UBR2: variants seen among roughly 807,000 people sequenced by gnomAD.
The protein encoded by UBR2 is E3 ubiquitin-protein ligase UBR2.
In UBR2, 92 loss-of-function variants were observed where a neutral mutation model predicts 247.9. The ratio of observed to expected loss-of-function variants is 0.37; its 90% confidence interval spans 0.31 to 0.44. The LOEUF (loss-of-function observed/expected upper bound fraction) is 0.44, where lower values mean the gene tolerates loss of function less well. Among genes scored for constraint, UBR2 ranks in the 20% least tolerant of loss-of-function variants. The pLI is 1.00. For synonymous variants in UBR2, 672 were observed against 693.5 expected, an observed-to-expected ratio of 0.97 and a Z score of 0.49; for missense variants, 1,613 against 2,112.6, an observed-to-expected ratio of 0.76 and a Z score of 4.64.
intron 11 of UBR2, chr6:42,619,809 C>T (rs1794862644): frequency 5.8e-6 from 2 of 344,534 alleles, no homozygotes; most frequent in African/African-American, 2.2e-5. Context: ...CTTTGACCAC[C>T]TGGGCTTAGG....
intron 30 of UBR2, among the ~76,000 whole-genome samples, chr6:42,661,601 A>G (rs916123301): frequency 3.3e-5 from 5 of 152,252 alleles, no homozygotes; most frequent in Non-Finnish European, 7.3e-5. Context: ...CCCTTTGAAT[A>G]TAAAAATTAG....
chr6:42,644,824 C>T (rs1796664568), intron 20 of UBR2, among the ~76,000 whole-genome samples: 1 of 152,100 alleles, frequency 6.6e-6, no homozygotes, highest in Non-Finnish European at 1.5e-5. Flanking sequence ...GAGAATTTAG[C>T]AATCAAGGAA....
At chr6:42,653,332 C>A (rs568715216) in intron 25 of UBR2, among the ~76,000 whole-genome samples, 1 of 152,206 alleles carries the variant, frequency 6.6e-6, no homozygotes, top group Non-Finnish European at 1.5e-5. Context: ...ATCCTCCCCC[C>A]TCGGCCTCCC....
intron 40 of UBR2, among the ~76,000 whole-genome samples, chr6:42,677,174 C>T (rs1186391967): frequency 6.6e-6 from 1 of 152,112 alleles, no homozygotes; most frequent in East Asian, 1.9e-4. Context: ...AAAGTTGATA[C>T]TCTAAAACTT....
At chr6:42,601,891 ATG>A (rs1582499183) in intron 4 of UBR2, among the ~76,000 whole-genome samples, 37 of 74,886 alleles carry the variant, frequency 4.9e-4, no homozygotes, top group South Asian at 1.2e-3. Context: ...TTTTTTTTTG[ATG>A]GAGTTTTGCT....
chr6:42,687,627 G>A (rs1436383606), intron 44 of UBR2, among the ~76,000 whole-genome samples: 2 of 151,952 alleles, frequency 1.3e-5, no homozygotes, highest in African/African-American at 2.4e-5. Flanking sequence ...AGCAACCTCC[G>A]CCTCCCAGGT....
intron 2 of UBR2, among the ~76,000 whole-genome samples, chr6:42,585,837 G>C (rs1452088282): frequency 6.6e-6 from 1 of 151,906 alleles, no homozygotes; most frequent in East Asian, 1.9e-4. Context: ...CAAATAATAA[G>C]TTTTTAGCTT....
At chr6:42,594,415 G>A (rs1396385953) in intron 4 of UBR2, 111 bp downstream of exon 4, 1 of 768,088 alleles carries the variant, frequency 1.3e-6, no homozygotes, top group African/African-American at 1.7e-5. Context: ...ACTATTGACA[G>A]TGACTAGTTT....
In UBR2 at chr6:42,606,580, T is replaced by A. The variant is rs1329484777; in HGVS notation, c.802-9T>A. On this transcript the variant is annotated splice_polypyrimidine_tract_variant and intron_variant, in intron 6 of 46. Coordinates refer to ENST00000372901, the MANE Select transcript of UBR2 (RefSeq NM_001363705.2). ...TACTTTTACAGCTTAATTTTAAATA[T>A]CTTTACAGGGGCGTAGGTCTGTTCG... 1 of 1,608,558 alleles carries A rather than the reference T, an allele frequency of 6.2e-7. No individual in the cohort carries two copies. The highest frequency in any genetic ancestry group is 8.5e-7 in the Non-Finnish European group (1 of 1,177,452).
intron 11 of UBR2, among the ~76,000 whole-genome samples, chr6:42,622,273 C>A (rs770472189): frequency 6.6e-6 from 1 of 151,936 alleles, no homozygotes; most frequent in Admixed American, 6.6e-5. Flanking sequence ...CCCATCTCAG[C>A]GTCCCAAAGT....
intron 11 of UBR2, among the ~76,000 whole-genome samples, chr6:42,631,566 G>A (rs1795713205): frequency 6.6e-6 from 1 of 151,904 alleles, no homozygotes; most frequent in Non-Finnish European, 1.5e-5. Flanking sequence ...GATATTTGTT[G>A]CAACATCTTT....
intron 21 of UBR2, among the ~76,000 whole-genome samples, chr6:42,647,901 A>T (rs951566271): frequency 2.6e-5 from 4 of 152,230 alleles, no homozygotes; most frequent in Admixed American, 6.5e-5. Flanking sequence ...TTATGTATTT[A>T]AAAATAATAC....
rs773550283 is a variant in UBR2, at chr6:42,603,545, TG to T, written c.532-42del. ...CAGAATGAAAATTAATGTACATGAT[TG>T]CCCTTTTTTTCTTTTTCTTTTTTTT... On this transcript the variant is annotated intron_variant, in intron 4 of 46. Coordinates refer to ENST00000372901, the MANE Select transcript of UBR2 (RefSeq NM_001363705.2). 8 of 1,490,760 alleles carry T rather than the reference TG, an allele frequency of 5.4e-6. No individual in the cohort carries two copies. In the East Asian group the frequency reaches 1.5e-4, roughly 28 times the overall value. 92.3% of individuals were successfully genotyped at this position (1,490,760 alleles called of 1,614,324 possible). A position where few individuals can be genotyped will look rare whatever the true frequency, so the allele number is the denominator to read the frequency against.
chr6:42,608,657 A>T (rs1343425053), intron 7 of UBR2, among the ~76,000 whole-genome samples: 1 of 152,062 alleles, frequency 6.6e-6, no homozygotes, highest in Non-Finnish European at 1.5e-5. Flanking sequence ...AACAAAAAAA[A>T]CTTGCCAATC....
intron 11 of UBR2, among the ~76,000 whole-genome samples, chr6:42,627,475 A>G (rs945385978): frequency 2.0e-5 from 3 of 151,878 alleles, no homozygotes; most frequent in African/African-American, 7.3e-5. Flanking sequence ...GGGAGAGTCT[A>G]TTACCGTCTT....
intron 30 of UBR2, among the ~76,000 whole-genome samples, chr6:42,660,684 G>A (rs1562372990): frequency 6.6e-6 from 1 of 152,064 alleles, no homozygotes; most frequent in Non-Finnish European, 1.5e-5. Flanking sequence ...CATTTAGGCT[G>A]GGTATGGTGG....
intron 32 of UBR2, 137 bp from the exon 33 acceptor site, chr6:42,665,272 T>G (rs760574740): frequency 3.7e-5 from 21 of 568,060 alleles, no homozygotes; most frequent in Non-Finnish European, 4.5e-5. Flanking sequence ...TTTTTTTTAA[T>G]GCAACAAATT....
At chr6:42,627,693 G>A (rs891707064) in intron 11 of UBR2, among the ~76,000 whole-genome samples, 1 of 151,564 alleles carries the variant, frequency 6.6e-6, no homozygotes, top group African/African-American at 2.4e-5. Context: ...CTTATTTTTA[G>A]TAGAGACAAT....
intron 2 of UBR2, among the ~76,000 whole-genome samples, chr6:42,577,996 G>T (rs1036699580): frequency 1.3e-5 from 2 of 152,026 alleles, no homozygotes; most frequent in Non-Finnish European, 2.9e-5. Flanking sequence ...CACACATAAG[G>T]TGTAATGATC....
Sources: gnomAD v4.1 joint callset for allele counts (sites outside exome capture counted in the v4.1 genomes callset) on GRCh38, gnomAD v4.1.1 for gene constraint, MANE v1.5 for transcripts, NCBI Gene and HGNC (gene_info 2026-07-23, HGNC 2026-07-21) for gene names.